Variants in RSPH10B observed in about 807,000 individuals in gnomAD.
The protein encoded by RSPH10B is radial spoke head 10 homolog B.
Under a neutral mutation model 52.5 loss-of-function variants are expected in RSPH10B, and 7 were observed. That is an observed-to-expected ratio of 0.13 (90% CI 0.08 to 0.25). The LOEUF (loss-of-function observed/expected upper bound fraction) is 0.25. Ranked by LOEUF, RSPH10B falls within the 10% of genes least tolerant of loss-of-function variation. RSPH10B has a pLI of 1.00. For synonymous variants in RSPH10B, 28 were observed against 193.2 expected, an observed-to-expected ratio of 0.14 and a Z score of 7.09; for missense variants, 89 against 542.5, an observed-to-expected ratio of 0.16 and a Z score of 8.30.
chr7:5,943,794 G>C, intron 12 of RSPH10B, 117 bp downstream of exon 14: 3 of 1,479,648 alleles, frequency 2.0e-6, no homozygotes, highest in Non-Finnish European at 9.2e-7. Context: ...TGATCCTCCT[G>C]CCTCGGCCTC....
intron 17 of RSPH10B, among the ~76,000 whole-genome samples, chr7:5,931,463 C>T (rs1432443831): frequency 6.6e-6 from 1 of 151,508 alleles, no homozygotes; most frequent in African/African-American, 2.4e-5. Flanking sequence ...CGGTGGCTCA[C>T]ACCTGTAATC....
chr7:5,931,648 G>A (rs1779778622), intron 17 of RSPH10B, among the ~76,000 whole-genome samples: 1 of 151,018 alleles, frequency 6.6e-6, no homozygotes, highest in South Asian at 2.1e-4. Flanking sequence ...GGAGTTCTTG[G>A]ATCCAGGAGT....
intron 7 of RSPH10B, chr7:5,953,557 T>TA (rs1780636294): frequency 2.6e-5 from 2 of 77,154 alleles, no homozygotes; most frequent in African/African-American, 8.8e-5. Flanking sequence ...AGACTCCATC[T>TA]CAAAAAAAAA....
chr7:5,945,617 TCA>T (rs1780450363), intron 10 of RSPH10B, among the ~76,000 whole-genome samples: 1 of 36,866 alleles, frequency 2.7e-5, no homozygotes, highest in Non-Finnish European at 6.0e-5. Flanking sequence ...AGACTTCATC[TCA>T]AAAAAAAAAA....
intron 18 of RSPH10B, chr7:5,927,952 A>T: frequency 1.2e-6 from 1 of 806,882 alleles, no homozygotes; most frequent in Non-Finnish European, 1.9e-6. Context: ...AAATAAAACT[A>T]GAAACTAAGA....
chr7:5,928,912 CA>C (rs1779673221), intron 17 of RSPH10B, among the ~76,000 whole-genome samples: 1 of 148,916 alleles, frequency 6.7e-6, no homozygotes, highest in Non-Finnish European at 1.5e-5. Context: ...AGGCATGAGC[CA>C]CTGTGCCCAG....
intron 18 of RSPH10B, among the ~76,000 whole-genome samples, chr7:5,927,082 G>GTATATATATATGTGTATATATATATA (rs1562553449): frequency 1.1e-4 from 14 of 123,762 alleles, no homozygotes; most frequent in South Asian, 2.7e-4. Flanking sequence ...GTGTGTGTGT[G>GTATATATATATGTGTATATATATATA]TGTGTGTGTG....
At chr7:5,947,715 C>CA (rs1169846742) in intron 10 of RSPH10B, among the ~76,000 whole-genome samples, 13 of 82,896 alleles carry the variant, frequency 1.6e-4, no homozygotes, top group South Asian at 9.7e-4. Context: ...AACTCTGTCT[C>CA]AAAAAAAACA....
chr7:5,947,348 T>C (rs1251143129), intron 10 of RSPH10B, among the ~76,000 whole-genome samples: 2 of 14,820 alleles, frequency 1.3e-4, no homozygotes, highest in African/African-American at 4.8e-4. Context: ...CCTATGAGAA[T>C]CTAATGCCCT....
chr7:5,955,173 G>GA (rs575449168), intron 7 of RSPH10B, among the ~76,000 whole-genome samples: 8 of 127,338 alleles, frequency 6.3e-5, no homozygotes, highest in Admixed American at 3.2e-4. Context: ...TCAAAAAAAA[G>GA]AAAAAAAAAG....
chr7:5,927,078 G>GTGTGTGTGTATGTATA (rs1779519764), intron 18 of RSPH10B, among the ~76,000 whole-genome samples: 1 of 129,788 alleles, frequency 7.7e-6, no homozygotes, highest in East Asian at 2.1e-4. Flanking sequence ...ATATGTGTGT[G>GTGTGTGTGTATGTATA]TGTGTGTGTG....
intron 1 of RSPH10B, among the ~76,000 whole-genome samples, 193 bp from the exon 4 acceptor site, chr7:5,965,905 G>A (rs373161979): frequency 0.057 from 6,509 of 113,870 alleles, 377 homozygotes; most frequent in Non-Finnish European, 0.079. Flanking sequence ...GAATGAAGGC[G>A]TTTCGGGGTT....
At chr7:5,927,048 T>TGTGTGTGTGTG (rs1347951159) in intron 18 of RSPH10B, among the ~76,000 whole-genome samples, 4 of 70,878 alleles carry the variant, frequency 5.6e-5, no homozygotes, top group African/African-American at 1.3e-4. Context: ...TGTGTGTGTA[T>TGTGTGTGTGTG]TATGTGTGTG....
chr7:5,941,951 G>A (rs537389512), intron 13 of RSPH10B, among the ~76,000 whole-genome samples: 2 of 149,084 alleles, frequency 1.3e-5, no homozygotes, highest in Non-Finnish European at 1.5e-5. Context: ...GGAGTGCAGT[G>A]GCACAATTCC....
At chr7:5,927,072 G>GTA (rs1779513565) in intron 18 of RSPH10B, among the ~76,000 whole-genome samples, 1 of 68,912 alleles carries the variant, frequency 1.5e-5, no homozygotes, top group African/African-American at 7.0e-5. Context: ...GTGTGTATAT[G>GTA]TGTGTGTGTG....
upstream of RSPH10B, among the ~76,000 whole-genome samples, chr7:5,968,662 A>G (rs1235227052): frequency 0.012 from 838 of 67,282 alleles, 157 homozygotes; most frequent in Non-Finnish European, 0.024. Flanking sequence ...GCCCACCACC[A>G]CACCTGGCTA....
chr7:5,927,938 C>T (rs1391311483), intron 18 of RSPH10B: 1 of 778,300 alleles, frequency 1.3e-6, no homozygotes, highest in East Asian at 2.9e-5. Context: ...TGTCTAAAAA[C>T]AAAAAATAAA....
At chr7:5,942,926 A>ATAT (rs1491308180) in intron 13 of RSPH10B, among the ~76,000 whole-genome samples, 4 of 141,048 alleles carry the variant, frequency 2.8e-5, no homozygotes, top group African/African-American at 1.0e-4. Flanking sequence ...ATATATATAT[A>ATAT]TTTTTTTTTA....
At chr7:5,939,585 A>AACACACACAC (rs762383240) in intron 13 of RSPH10B, among the ~76,000 whole-genome samples, 22 of 36,218 alleles carry the variant, frequency 6.1e-4, no homozygotes, top group East Asian at 1.8e-3. Flanking sequence ...ACCTGTCTCA[A>AACACACACAC]ACACACACAC....
Sources: gnomAD v4.1 joint callset for allele counts (sites outside exome capture counted in the v4.1 genomes callset) on GRCh38, gnomAD v4.1.1 for gene constraint, MANE v1.5 for transcripts, NCBI Gene and HGNC (gene_info 2026-07-23, HGNC 2026-07-21) for gene names.